POU3F3: variants seen among roughly 807,000 people sequenced by gnomAD.
POU3F3 encodes POU domain, class 3, transcription factor 3.
A neutral mutation model predicts 8.6 loss-of-function variants in POU3F3; 1 was observed. The ratio of observed to expected loss-of-function variants is 0.12; its 90% CI spans 0.04 to 0.55. POU3F3 has a LOEUF of 0.55. Among genes scored for constraint, POU3F3 ranks in the 20% least tolerant of loss-of-function variants. The pLI is 0.91. For missense variants in POU3F3, 577 were observed against 690.7 expected, an observed-to-expected ratio of 0.84 and a Z score of 1.84; for synonymous variants, 418 against 327.4, an observed-to-expected ratio of 1.28 and a Z score of -2.99.
chr2:104,872,053 C>A, the POU3F3 span, among the ~76,000 whole-genome samples: 1 of 151,978 alleles, frequency 6.6e-6, no homozygotes, highest in Non-Finnish European at 1.5e-5. The surrounding 1 kb of genome is among the most constrained non-coding windows in gnomAD (Gnocchi z 4.6). Flanking sequence ...GCGCTCCCCA[C>A]CCCCGAACAC....
the POU3F3 span, among the ~76,000 whole-genome samples, chr2:104,871,930 A>G: frequency 6.6e-6 from 1 of 152,156 alleles, no homozygotes; most frequent in African/African-American, 2.4e-5. Context: ...AGGGTCAGCG[A>G]CGGCCAGCGA....
the POU3F3 span, among the ~76,000 whole-genome samples, chr2:104,910,647 T>C: frequency 7.2e-5 from 11 of 152,196 alleles, no homozygotes; most frequent in Non-Finnish European, 1.6e-4. Flanking sequence ...GTTAGCTAAT[T>C]CTACTGTTGT....
chr2:104,877,499 C>T, the POU3F3 span, among the ~76,000 whole-genome samples: 1 of 152,020 alleles, frequency 6.6e-6, no homozygotes, highest in African/African-American at 2.4e-5. Context: ...GCGCTAATGC[C>T]ACCCATATTT....
chr2:104,866,991 A>T, the POU3F3 span: 1 of 152,234 alleles, frequency 6.6e-6, no homozygotes, highest in Non-Finnish European at 1.5e-5. Flanking sequence ...TTTTTGTCAG[A>T]ACCCTCAAAT....
downstream of POU3F3, among the ~76,000 whole-genome samples, chr2:104,863,148 C>T (rs372738987): frequency 7.0e-6 from 1 of 142,004 alleles, no homozygotes; most frequent in South Asian, 2.3e-4. Flanking sequence ...CTTCCCCAGC[C>T]TCATAATAAC....
the POU3F3 span, chr2:104,872,254 G>C: frequency 6.6e-6 from 3 of 456,430 alleles, no homozygotes; most frequent in Non-Finnish European, 1.3e-5. This position sits in a 1 kb window ranked among gnomAD's most constrained non-coding sequence, Gnocchi z 4.6. Context: ...ACCCGGCACG[G>C]TCCTTCCATT....
downstream of POU3F3, among the ~76,000 whole-genome samples, chr2:104,858,911 T>C (rs569432221): frequency 1.8e-4 from 27 of 152,198 alleles, no homozygotes; most frequent in Non-Finnish European, 3.2e-4. Context: ...ATATCACCAG[T>C]AAAAATGAGC....
the POU3F3 span, among the ~76,000 whole-genome samples, chr2:104,919,510 C>T: frequency 6.6e-6 from 1 of 152,196 alleles, no homozygotes; most frequent in Non-Finnish European, 1.5e-5. Flanking sequence ...AATGTAATTG[C>T]CTCAAAAACT....
At position 104,855,817 on chromosome 2, in the gene POU3F3, CACGCCG is replaced by C. The variant is rs2104339855; in HGVS notation, c.308_313del (p.His103_Ala105delinsPro). The C allele has an allele frequency of 8.5e-7, 1 of 1,180,760 alleles. No homozygotes were observed. Among genetic ancestry groups the C allele is most frequent in the South Asian group, 2.2e-5 (1 of 46,178 alleles). 73.1% of individuals were successfully genotyped at this position (1,180,760 alleles called of 1,614,324 possible). On this transcript the variant is annotated inframe_deletion, in exon 1 of 1. Transcript: ENST00000361360. ...GCACCAGTGGGTCACAGCCCTGCCC[CACGCCG>C]CCGCCGCCGCCGCCGCTGCCGCCGC...
chr2:104,855,473 C>G lies in POU3F3; in HGVS notation c.-38C>G, dbSNP rs1439905399. 7.3e-6 allele frequency: 6 copies of G among 822,466 alleles called. No homozygotes were observed. Among genetic ancestry groups the G allele is most frequent in the South Asian group, 5.7e-5 (1 of 17,572 alleles). The allele number at this position is 822,466 out of a possible 1,614,324, so 50.9% of individuals were successfully genotyped here. ...GCGGCTGCTGCTGCGGCGGCGGCGG[C>G]GGTGGTGGCGGCGGTGGGGTGGCGG... is the stretch of plus-strand genomic sequence containing the variant. On this transcript the variant is annotated 5_prime_UTR_variant, in exon 1 of 1. Transcript: ENST00000361360.
chr2:104,893,846 G>A, the POU3F3 span, among the ~76,000 whole-genome samples: 37 of 143,250 alleles, frequency 2.6e-4, no homozygotes, highest in African/African-American at 9.8e-4. Context: ...TCCCACCACT[G>A]CACTCCAGCC....
At chr2:104,892,903 A>C in the POU3F3 span, among the ~76,000 whole-genome samples, 1 of 152,054 alleles carries the variant, frequency 6.6e-6, no homozygotes, top group Admixed American at 6.6e-5. Flanking sequence ...ATGAGTGAGA[A>C]GACTGAAGAG....
the POU3F3 span, among the ~76,000 whole-genome samples, chr2:104,902,854 CCA>C: frequency 6.6e-6 from 1 of 152,170 alleles, no homozygotes; most frequent in East Asian, 1.9e-4. Flanking sequence ...TAACTATTCA[CCA>C]CACTGAGACA....
the POU3F3 span, among the ~76,000 whole-genome samples, chr2:104,912,187 C>A: frequency 6.6e-6 from 1 of 152,162 alleles, no homozygotes; most frequent in East Asian, 1.9e-4. Flanking sequence ...CGAGTTTGTT[C>A]GTGCTGGTCG....
At chr2:104,924,142 T>A in the POU3F3 span, among the ~76,000 whole-genome samples, 21 of 152,168 alleles carry the variant, frequency 1.4e-4, no homozygotes, top group Admixed American at 1.4e-3. Flanking sequence ...AGATGGTAAA[T>A]TTCATGTTAT....
Position 104,854,193 on chromosome 2 carries a change from G to GGAGA in POU3F3, c.-1308_-1305dup, listed in dbSNP as rs1261162948. On this transcript the variant is annotated 5_prime_UTR_variant, in exon 1 of 1. Coordinates refer to ENST00000361360, the MANE Select transcript of POU3F3 (RefSeq NM_006236.3). This position sits in a 1 kb window ranked among gnomAD's most constrained non-coding sequence, Gnocchi z 4.5. ...GAGCGAGAGCGGGCGCCCGAGAGAG[G>GGAGA]GAGAGAGAGAGAGGGAGGGAGAGGA... Among the ~76,000 whole-genome samples the GGAGA allele has an allele frequency of 1.3e-5, 2 of 151,920 alleles. No individual in the cohort carries two copies. Among genetic ancestry groups the GGAGA allele is most frequent in the Non-Finnish European group, 2.9e-5 (2 of 67,934 alleles).
At chr2:104,866,059 C>T in the POU3F3 span, 9 of 152,254 alleles carry the variant, frequency 5.9e-5, no homozygotes, top group Non-Finnish European at 8.8e-5. Context: ...ACTGATTCTA[C>T]TTTGTACGCC....
At chr2:104,907,051 C>T in the POU3F3 span, among the ~76,000 whole-genome samples, 21 of 152,194 alleles carry the variant, frequency 1.4e-4, no homozygotes, top group African/African-American at 4.1e-4. Context: ...ATATTGCACG[C>T]GAAAAAAGAC....
the POU3F3 span, among the ~76,000 whole-genome samples, chr2:104,908,776 A>G: frequency 6.6e-6 from 1 of 152,256 alleles, no homozygotes; most frequent in East Asian, 1.9e-4. Flanking sequence ...TCAATCCTTA[A>G]GCTAGGCAAT....
Sources: gnomAD v4.1 joint callset for allele counts (sites outside exome capture counted in the v4.1 genomes callset) on GRCh38, gnomAD v4.1.1 for gene constraint, Gnocchi (gnomAD v3.1) non-coding constraint, MANE v1.5 for transcripts, NCBI Gene and HGNC (gene_info 2026-07-23, HGNC 2026-07-21) for gene names.